AUTS2: variants seen among roughly 807,000 people sequenced by gnomAD.
The protein encoded by AUTS2 is autism susceptibility gene 2 protein.
Under a neutral mutation model 112.4 loss-of-function variants are expected in AUTS2, and 17 were observed. The ratio of observed to expected loss-of-function variants is 0.15; its 90% CI spans 0.10 to 0.23. AUTS2 has a LOEUF of 0.23. AUTS2 is among the 10% of genes least tolerant of loss of function. The pLI is 1.00. For missense variants in AUTS2, 1,510 were observed against 1,701.6 expected, an observed-to-expected ratio of 0.89 and a Z score of 1.98; for synonymous variants, 751 against 702.7, an observed-to-expected ratio of 1.07 and a Z score of -1.09.
intron 2 of AUTS2, among the ~76,000 whole-genome samples, chr7:69,934,880 G>A (rs1796352081): frequency 1.3e-5 from 2 of 152,166 alleles, no homozygotes; most frequent in South Asian, 2.1e-4. Context: ...ACTGATGTGC[G>A]TGTGTACCTG....
intron 5 of AUTS2, among the ~76,000 whole-genome samples, chr7:70,639,513 G>A (rs1412501431): frequency 6.6e-6 from 1 of 150,716 alleles, no homozygotes; most frequent in African/African-American, 2.4e-5. Context: ...CTACTGGGGG[G>A]GTGGTGAGGC....
At chr7:70,579,477 GC>G (rs1222806175) in intron 5 of AUTS2, among the ~76,000 whole-genome samples, 1 of 151,976 alleles carries the variant, frequency 6.6e-6, no homozygotes, top group Non-Finnish European at 1.5e-5. Context: ...AAATGGTGCT[GC>G]CCTGTTCCTT....
At chr7:70,558,471 G>T (rs1379455945) in intron 5 of AUTS2, among the ~76,000 whole-genome samples, 2 of 152,170 alleles carry the variant, frequency 1.3e-5, no homozygotes, top group Non-Finnish European at 2.9e-5. Flanking sequence ...CTCAGCCACT[G>T]TCAGGAGCAG....
At chr7:69,765,841 C>T (rs1270184429) in intron 1 of AUTS2, among the ~76,000 whole-genome samples, 1 of 151,946 alleles carries the variant, frequency 6.6e-6, no homozygotes, top group Non-Finnish European at 1.5e-5. Flanking sequence ...CAGGTACTTT[C>T]GGGGCTGAGG....
At position 70,787,372 on chromosome 7, in the gene AUTS2, TGACAGA is replaced by T; in HGVS notation, c.2475_2480del (p.Arg828_Asp829del). On this transcript the variant is annotated inframe_deletion, in exon 18 of 19. Transcript: ENST00000342771. ...AGCGCAGCGCGTCCGCTGCAGCTCA[TGACAGA>T]GATAGAGATGTAGATAAACGAGACT... 1 of 1,614,102 alleles carries T rather than the reference TGACAGA, an allele frequency of 6.2e-7. No homozygotes were observed. The highest frequency in any genetic ancestry group is 8.5e-7 in the Non-Finnish European group (1 of 1,179,970).
At chr7:70,297,362 A>C (rs774557284) in intron 4 of AUTS2, among the ~76,000 whole-genome samples, 7 of 152,072 alleles carry the variant, frequency 4.6e-5, no homozygotes, top group Non-Finnish European at 1.0e-4. Flanking sequence ...GGTTTCAGAG[A>C]AGAGATGGCA....
At chr7:70,014,603 G>C (rs1799946937) in intron 2 of AUTS2, among the ~76,000 whole-genome samples, 1 of 151,992 alleles carries the variant, frequency 6.6e-6, no homozygotes, top group Non-Finnish European at 1.5e-5. Flanking sequence ...TGATTTTTTG[G>C]TAGTTCTCTT....
intron 4 of AUTS2, among the ~76,000 whole-genome samples, chr7:70,411,225 TA>T (rs1372944299): frequency 6.6e-6 from 1 of 152,110 alleles, no homozygotes; most frequent in Non-Finnish European, 1.5e-5. Flanking sequence ...GGATTCTCCT[TA>T]AAAAGGAAGA....
Position 70,762,973 on chromosome 7 carries a change from G to A in AUTS2, c.846G>A (p.Gln282=). ...SGLERSQEKS[Q]DCCKEPIFEP... is the part of the protein sequence containing the mutation. ...TAGAGAGAAGCCAGGAGAAGAGCCA[G>A]GACTGTTGCAAAGAGCCAATCTTTG... The change falls in exon 7 of 19, where the codon CAG becomes CAA. Residue 282 remains glutamine (Q), a synonymous_variant. Transcript: ENST00000342771. The A allele has an allele frequency of 6.2e-7, 1 of 1,614,120 alleles. No individual in the cohort carries two copies. Among genetic ancestry groups the A allele is most frequent in the Non-Finnish European group, 8.5e-7 (1 of 1,180,022 alleles).
intron 4 of AUTS2, among the ~76,000 whole-genome samples, chr7:70,195,251 G>A (rs976676175): frequency 1.3e-5 from 2 of 152,142 alleles, no homozygotes; most frequent in African/African-American, 4.8e-5. Flanking sequence ...TCTGTCTGTA[G>A]GAAGGTAAAG....
chr7:70,400,573 G>T (rs550882137), intron 4 of AUTS2, among the ~76,000 whole-genome samples: 2 of 152,178 alleles, frequency 1.3e-5, no homozygotes, highest in Non-Finnish European at 2.9e-5. Context: ...GCTGAGGTAG[G>T]GGGGCAGACA....
chr7:70,574,382 T>C (rs560578022), intron 5 of AUTS2, among the ~76,000 whole-genome samples: 2 of 152,332 alleles, frequency 1.3e-5, no homozygotes, highest in East Asian at 1.9e-4. Flanking sequence ...CCTTGGAGTT[T>C]CTACCCGTAT....
intron 5 of AUTS2, among the ~76,000 whole-genome samples, chr7:70,533,271 A>C (rs1384210030): frequency 6.6e-6 from 1 of 152,126 alleles, no homozygotes; most frequent in Admixed American, 6.5e-5. Context: ...ATGGACCACC[A>C]TGCCCAGCTA....
Position 70,790,618 on chromosome 7 carries a change from G to T in AUTS2, c.3402G>T (p.Pro1134=), listed in dbSNP as rs774410530. The T allele has an allele frequency of 1.2e-6, 2 of 1,604,332 alleles. No individual in the cohort carries two copies. The highest frequency in any genetic ancestry group is 1.7e-6 in the Non-Finnish European group (2 of 1,176,580). The change falls in exon 19 of 19, where the codon CCG becomes CCT. Residue 1134 remains proline (P), a synonymous_variant. Transcript: ENST00000342771. This position sits in a 1 kb window ranked among gnomAD's most constrained non-coding sequence, Gnocchi z 7.6. ...ACCACCACCACCACCACCACCACCC[G>T]CTGTCTGTGGACCCTCGGCGGGAGC... ...YSHHHHHHHH[P]LSVDPRREHE... is the part of the protein sequence containing the mutation.
At chr7:70,060,088 A>G (rs1802174579) in intron 2 of AUTS2, among the ~76,000 whole-genome samples, 1 of 152,234 alleles carries the variant, frequency 6.6e-6, no homozygotes, top group Non-Finnish European at 1.5e-5. Context: ...CATTTCCTAT[A>G]TAAAAGTAAA....
chr7:70,205,425 G>A (rs1032915611), intron 4 of AUTS2, among the ~76,000 whole-genome samples: 6 of 152,110 alleles, frequency 3.9e-5, no homozygotes, highest in Admixed American at 1.3e-4. Context: ...ATATAACAAC[G>A]TGTCAGTCAA....
chr7:70,444,343 C>CGTGTGTGTGTGTGT (rs370735846), intron 5 of AUTS2, among the ~76,000 whole-genome samples: 35 of 138,760 alleles, frequency 2.5e-4, no homozygotes, highest in African/African-American at 5.5e-4. Context: ...TGGTCATGTA[C>CGTGTGTGTGTGTGT]GTGTGTGTGT....
chr7:70,010,587 G>A (rs547136631), intron 2 of AUTS2, among the ~76,000 whole-genome samples: 2 of 152,312 alleles, frequency 1.3e-5, no homozygotes, highest in South Asian at 2.1e-4. Context: ...ACTCACAACA[G>A]CCATAGAGAC....
intron 1 of AUTS2, among the ~76,000 whole-genome samples, chr7:69,613,937 T>C (rs1793180253): frequency 6.6e-6 from 1 of 152,232 alleles, no homozygotes; most frequent in Non-Finnish European, 1.5e-5. Context: ...CCTTTCATTA[T>C]TCTAAGCAGA....
Sources: gnomAD v4.1 joint callset for allele counts (sites outside exome capture counted in the v4.1 genomes callset) on GRCh38, gnomAD v4.1.1 for gene constraint, Gnocchi (gnomAD v3.1) non-coding constraint, MANE v1.5 for transcripts, NCBI Gene and HGNC (gene_info 2026-07-23, HGNC 2026-07-21) for gene names.